AGT: variants seen among roughly 807,000 people sequenced by gnomAD.
AGT encodes alpha-1 antiproteinase, antitrypsin.
A neutral mutation model predicts 28.1 loss-of-function variants in AGT; 26 were observed. That is an observed-to-expected ratio of 0.92 (90% CI 0.68 to 1.28). The LOEUF is 1.28. Among genes scored for constraint, AGT ranks in the 50% most tolerant of loss-of-function variants. The pLI is 0.00. For synonymous variants in AGT, 259 were observed against 259.6 expected (o/e 1.00, Z 0.02); for missense variants, 596 against 592.3 (o/e 1.01, Z -0.06).
At chr1:230,734,773 A>G (rs575176865) in intron 1 of AGT, among the ~76,000 whole-genome samples, 3 of 152,014 alleles carry the variant, frequency 2.0e-5, no homozygotes, top group African/African-American at 7.2e-5. Context: ...GCAGTGGTGC[A>G]ATCTCGGCTC....
At chr1:230,731,443 A>G (rs560975578) in intron 1 of AGT, among the ~76,000 whole-genome samples, 1 of 152,318 alleles carries the variant, frequency 6.6e-6, no homozygotes, top group Non-Finnish European at 1.5e-5. Context: ...CAATGAGAGG[A>G]AACTCCTGAA....
chr1:230,733,908 G>A (rs1664109621), intron 1 of AGT, among the ~76,000 whole-genome samples: 1 of 152,040 alleles, frequency 6.6e-6, no homozygotes, highest in African/African-American at 2.4e-5. Context: ...CAGTCATTCA[G>A]GGACCACTAC....
At chr1:230,704,604 T>C (rs1266786018) in intron 3 of AGT, among the ~76,000 whole-genome samples, 1 of 152,234 alleles carries the variant, frequency 6.6e-6, no homozygotes, top group Non-Finnish European at 1.5e-5. Context: ...GTGCATTCTG[T>C]TTTTAGGTTG....
At chr1:230,736,816 G>A (rs769336099) in intron 1 of AGT, among the ~76,000 whole-genome samples, 1 of 152,178 alleles carries the variant, frequency 6.6e-6, no homozygotes, top group Non-Finnish European at 1.5e-5. Flanking sequence ...AAAGGGTAGA[G>A]GTGGTCACAA....
chr1:230,723,662 C>G (rs1251167775), intron 1 of AGT, among the ~76,000 whole-genome samples: 1 of 152,108 alleles, frequency 6.6e-6, no homozygotes, highest in Non-Finnish European at 1.5e-5. Flanking sequence ...ATTTTATCAT[C>G]TAATATGCTC....
intron 2 of AGT, 36 bp downstream of exon 2, chr1:230,709,959 T>A (rs768280591): frequency 1.4e-5 from 22 of 1,613,572 alleles, no homozygotes; most frequent in Non-Finnish European, 1.9e-5. Flanking sequence ...GGATACTAAG[T>A]CCTAGGGCCA....
At chr1:230,740,202 T>C (rs936935545) in intron 1 of AGT, among the ~76,000 whole-genome samples, 1 of 152,184 alleles carries the variant, frequency 6.6e-6, no homozygotes, top group African/African-American at 2.4e-5. Context: ...TGCTAATGTA[T>C]TATAATTAGT....
At chr1:230,704,172 C>G (rs752133526) in intron 4 of AGT, 21 bp downstream of exon 4, 3 of 1,614,246 alleles carry the variant, frequency 1.9e-6, no homozygotes, top group African/African-American at 2.7e-5. Flanking sequence ...AGGTCAGGCA[C>G]AGACACAGGC....
rs113084447 is a variant in AGT, at chr1:230,734,877, C to CTT, written c.-31+10636_-31+10637dup. On this transcript the variant is annotated intron_variant, in intron 1 of 4. Transcript: ENST00000681269. Reference sequence around the variant, plus strand: ...GGCGCCTGCCACCACGCCTGGCTAACTTTTTTTTTTGTATGTTTAGTAGAG... The same window carrying CTT: ...GGCGCCTGCCACCACGCCTGGCTAACTTTTTTTTTTTTGTATGTTTAGTAGAG... Among the ~76,000 whole-genome samples the CTT allele has an allele frequency of 1.5e-3, 222 of 149,334 alleles. 3 individuals are homozygous for CTT. Among genetic ancestry groups the CTT allele is most frequent in the African/African-American group, 5.3e-3 (218 of 40,806 alleles).
In AGT at chr1:230,710,634, G is replaced by A. The variant is rs750646201; in HGVS notation, c.190C>T (p.Gln64Ter). 3.1e-6 allele frequency: 5 copies of A among 1,614,256 alleles called. No individual in the cohort carries two copies. The highest frequency in any genetic ancestry group is 4.2e-6 in the Non-Finnish European group (5 of 1,180,044). Residue 64 changes from glutamine (Q) to a stop codon, truncating the protein, a stop_gained, in exon 2 of 5, where the codon CAG becomes TAG. Coordinates refer to ENST00000366667, the MANE Select transcript of AGT (RefSeq NM_001384479.1). LOFTEE classifies it high-confidence loss of function. ...TCATCCACAGGGGATGTCTTGGCCT[G>A]AATTGGAGCAGGTATGAAGGTGGGG... ...KDPTFIPAPI[Q>*]AKTSPVDEKA... is the part of the protein sequence containing the mutation.
intron 3 of AGT, among the ~76,000 whole-genome samples, 195 bp from the exon 4 acceptor site, chr1:230,704,532 G>T (rs1417350520): frequency 1.3e-5 from 2 of 152,228 alleles, no homozygotes; most frequent in African/African-American, 4.8e-5. Flanking sequence ...CATGTCATTT[G>T]CAATACTATG....
At chr1:230,738,956 A>G (rs1664197509) in intron 1 of AGT, among the ~76,000 whole-genome samples, 1 of 152,200 alleles carries the variant, frequency 6.6e-6, no homozygotes, top group South Asian at 2.1e-4. Context: ...TCTGCTATAG[A>G]AAAACTTCAC....
intron 2 of AGT, among the ~76,000 whole-genome samples, chr1:230,707,647 A>G (rs1048386240): frequency 1.3e-5 from 2 of 152,094 alleles, no homozygotes; most frequent in African/African-American, 2.4e-5. Context: ...CCCTGCAGGG[A>G]CCTCGGTGCT....
rs115064996 is a variant in AGT at position 230,732,499 on chromosome 1, G to A, written c.-31+13016C>T. On this transcript the variant is annotated intron_variant, in intron 1 of 4. Transcript: ENST00000681269. The stretch of plus-strand genomic sequence containing the variant: ...GGGGTTAGAGGCACTGACTTCCTTC[G>A]CAGTTGAAAATGCAAGAATAACTTT... 5.1e-3 allele frequency among the ~76,000 whole-genome samples: 775 copies of A among 152,046 alleles called. 3 individuals are homozygous for A. The highest frequency in any genetic ancestry group is 0.016 in the African/African-American group (654 of 41,460).
intron 3 of AGT, among the ~76,000 whole-genome samples, chr1:230,705,524 C>T (rs977340740): frequency 1.3e-5 from 2 of 152,196 alleles, no homozygotes; most frequent in African/African-American, 4.8e-5. Flanking sequence ...CCCCCGCTCA[C>T]GCGAAGTCCG....
chr1:230,728,645 A>G (rs1424034211), intron 1 of AGT, among the ~76,000 whole-genome samples: 2 of 152,216 alleles, frequency 1.3e-5, no homozygotes, highest in Admixed American at 1.3e-4. Context: ...CTTTTGAGGT[A>G]TGGGTCACCC....
In AGT at chr1:230,705,812, C is replaced by T. The variant is rs570157525; in HGVS notation, c.1097+121G>A. ...GGCCGCCTGCCCAGCCCCGTGCCACCGCGGCCCTGCCCTGCTCTGCACCCA... is the reference window on the plus strand; with the variant it reads ...GGCCGCCTGCCCAGCCCCGTGCCACTGCGGCCCTGCCCTGCTCTGCACCCA... On this transcript the variant is annotated intron_variant, in intron 3 of 4. Coordinates refer to ENST00000366667, the MANE Select transcript of AGT (RefSeq NM_001384479.1). The T allele has an allele frequency of 1.8e-4, 241 of 1,342,040 alleles. No individual in the cohort carries two copies. The East Asian group carries it at 5.1e-3, about 29-fold the overall frequency. The allele number at this position is 1,342,040 out of a possible 1,614,324, so 83.1% of individuals were successfully genotyped here. A position where few individuals can be genotyped will look rare whatever the true frequency, so the allele number is the denominator to read the frequency against.
chr1:230,706,284 A>G, intron 2 of AGT, 84 bp from the exon 3 acceptor site: 3 of 1,476,822 alleles, frequency 2.0e-6, no homozygotes, highest in Non-Finnish European at 2.7e-6. Context: ...AAAGGCCCAG[A>G]TCCTGCCCCT....
chr1:230,730,738 G>C (rs1664037193), intron 1 of AGT, among the ~76,000 whole-genome samples: 1 of 152,124 alleles, frequency 6.6e-6, no homozygotes, highest in African/African-American at 2.4e-5. Flanking sequence ...TTTGTAGAGA[G>C]GATTTCTGGG....
Sources: allele counts gnomAD v4.1 joint callset (sites outside exome capture counted in the v4.1 genomes callset), GRCh38; gene constraint gnomAD v4.1.1; transcripts MANE v1.5; gene names NCBI Gene and HGNC (gene_info 2026-07-23, HGNC 2026-07-21).